The following LRRC37A2 variants were observed in gnomAD, a reference collection of about 807,000 sequenced individuals.
LRRC37A2 encodes leucine rich repeat containing 37 member A2, also known as leucine-rich repeat-containing protein 37A2.
In LRRC37A2, 9 loss-of-function variants were observed where a neutral mutation model predicts 68.8. The observed-to-expected ratio is 0.13, with a 90% CI of 0.08 to 0.23. The LOEUF (loss-of-function observed/expected upper bound fraction) is 0.23. Among genes scored for constraint, LRRC37A2 ranks in the 10% least tolerant of loss-of-function variants. LRRC37A2 has a pLI of 1.00. For synonymous variants in LRRC37A2, 63 were observed against 367.6 expected, an observed-to-expected ratio of 0.17 and a Z score of 9.48; for missense variants, 168 against 950.4, an observed-to-expected ratio of 0.18 and a Z score of 10.82.
At chr17:47,047,532 T>G in the LRRC37A2 span, among the ~76,000 whole-genome samples, 1 of 150,430 alleles carries the variant, frequency 6.6e-6, no homozygotes, top group Non-Finnish European at 1.5e-5. Context: ...AACATTAACA[T>G]CCACACACTG....
the LRRC37A2 span, among the ~76,000 whole-genome samples, chr17:46,825,158 C>CT: frequency 3.2e-4 from 48 of 152,372 alleles, no homozygotes; most frequent in South Asian, 9.5e-3. Flanking sequence ...AGGCCAGCTC[C>CT]TAGCATGGCT....
At chr17:47,012,717 C>T in the LRRC37A2 span, among the ~76,000 whole-genome samples, 1 of 152,190 alleles carries the variant, frequency 6.6e-6, no homozygotes, top group Non-Finnish European at 1.5e-5. Context: ...GTCAAGAAGA[C>T]AGACAATAAC....
At chr17:46,765,874 G>A in the LRRC37A2 span, among the ~76,000 whole-genome samples, 1 of 152,258 alleles carries the variant, frequency 6.6e-6, no homozygotes, top group African/African-American at 2.4e-5. Context: ...GAAGAAGCCA[G>A]GGCTCAGCGA....
the LRRC37A2 span, among the ~76,000 whole-genome samples, chr17:46,818,055 G>A: frequency 6.6e-6 from 1 of 152,022 alleles, no homozygotes; most frequent in East Asian, 1.9e-4. Context: ...GGTTATTATG[G>A]GGAATCTCTT....
At chr17:46,638,974 T>C in the LRRC37A2 span, among the ~76,000 whole-genome samples, 1 of 22,708 alleles carries the variant, frequency 4.4e-5, no homozygotes, top group Non-Finnish European at 7.4e-5. Context: ...AAAATAGATA[T>C]GATCCCTGCT....
chr17:47,010,380 G>C, the LRRC37A2 span: 1 of 152,328 alleles, frequency 6.6e-6, no homozygotes, highest in African/African-American at 2.4e-5. Flanking sequence ...AACCCCATGA[G>C]AGAAGGAGTT....
chr17:46,782,976 G>A, the LRRC37A2 span, among the ~76,000 whole-genome samples: 2 of 152,204 alleles, frequency 1.3e-5, no homozygotes, highest in Admixed American at 6.5e-5. Flanking sequence ...CTGTGGCTGT[G>A]GGAGAGCGCC....
At chr17:46,902,187 G>A in the LRRC37A2 span, among the ~76,000 whole-genome samples, 2 of 152,156 alleles carry the variant, frequency 1.3e-5, no homozygotes, top group Non-Finnish European at 2.9e-5. Context: ...CTCCTCCCTA[G>A]ATGCTGCCCT....
chr17:46,872,692 G>T, the LRRC37A2 span: 1 of 1,613,522 alleles, frequency 6.2e-7, no homozygotes, highest in Non-Finnish European at 8.5e-7. Context: ...TGCGCACCTC[G>T]GCCTGCTTGA....
At chr17:46,749,772 G>A in the LRRC37A2 span, 5 of 1,612,900 alleles carry the variant, frequency 3.1e-6, no homozygotes, top group Non-Finnish European at 4.2e-6. Flanking sequence ...CCTATGATCA[G>A]GGCCGCAAGC....
chr17:47,039,277 A>C, the LRRC37A2 span, among the ~76,000 whole-genome samples: 1 of 125,050 alleles, frequency 8.0e-6, no homozygotes, highest in Middle Eastern at 4.1e-3. Context: ...AACCACTCAC[A>C]TCGTTGCAGC....
chr17:46,972,014 G>T, the LRRC37A2 span, among the ~76,000 whole-genome samples: 2 of 152,170 alleles, frequency 1.3e-5, no homozygotes, highest in Non-Finnish European at 2.9e-5. Context: ...CAGGGCACGT[G>T]GGGGAGAGGG....
chr17:46,817,054 C>T, the LRRC37A2 span, among the ~76,000 whole-genome samples: 2 of 152,184 alleles, frequency 1.3e-5, no homozygotes, highest in Admixed American at 1.3e-4. Context: ...GAAAGACTTC[C>T]CCTTGGCTGG....
At chr17:46,488,660 G>A in the LRRC37A2 span, among the ~76,000 whole-genome samples, 9 of 130,712 alleles carry the variant, frequency 6.9e-5, no homozygotes, top group East Asian at 6.5e-4. Context: ...AGCCAAGATC[G>A]CACCACTGCA....
chr17:46,768,239 A>C, the LRRC37A2 span: 5 of 1,597,460 alleles, frequency 3.1e-6, no homozygotes, highest in South Asian at 2.2e-5. The surrounding 1 kb of genome is among the most constrained non-coding windows in gnomAD (Gnocchi z 5.0). Flanking sequence ...GTCGTCAAGA[A>C]GACGAGATGG....
chr17:46,726,427 G>T, the LRRC37A2 span: 2 of 871,700 alleles, frequency 2.3e-6, no homozygotes, highest in East Asian at 4.9e-5. Flanking sequence ...ATTTATTGTA[G>T]TCCAAAGTGT....
the LRRC37A2 span, chr17:46,487,272 T>A: frequency 4.3e-6 from 1 of 230,340 alleles, no homozygotes. Flanking sequence ...GAGAAAATTT[T>A]AGTATTGGAA....
the LRRC37A2 span, among the ~76,000 whole-genome samples, chr17:46,829,641 C>T: frequency 2.6e-5 from 4 of 152,162 alleles, no homozygotes; most frequent in African/African-American, 4.8e-5. Context: ...TTCCTAAAGT[C>T]TCTGCTGGGA....
the LRRC37A2 span, among the ~76,000 whole-genome samples, chr17:46,814,460 G>T: frequency 6.6e-6 from 1 of 152,142 alleles, no homozygotes; most frequent in African/African-American, 2.4e-5. Flanking sequence ...GAGCGGGAGG[G>T]CTGTTAACTT....
Sources: gnomAD v4.1 joint callset for allele counts (sites outside exome capture counted in the v4.1 genomes callset) on GRCh38, gnomAD v4.1.1 for gene constraint, Gnocchi (gnomAD v3.1) non-coding constraint, MANE v1.5 for transcripts, NCBI Gene and HGNC (gene_info 2026-07-23, HGNC 2026-07-21) for gene names.